Variants in L3MBTL4 observed in about 807,000 individuals in gnomAD.
L3MBTL4 encodes L3MBTL histone methyl-lysine binding protein 4, also known as lethal(3)malignant brain tumor-like protein 4.
Under a neutral mutation model 84.5 loss-of-function variants are expected in L3MBTL4, and 70 were observed. That is an observed-to-expected ratio of 0.83 (90% CI 0.68 to 1.01). The LOEUF (loss-of-function observed/expected upper bound fraction) is 1.01, where lower values mean the gene tolerates loss of function less well. Among genes scored for constraint, L3MBTL4 ranks in the 50% least tolerant of loss-of-function variants. L3MBTL4 has a pLI of 0.00. For synonymous variants in L3MBTL4, 274 were observed against 259.8 expected (o/e 1.05, Z -0.52); for missense variants, 715 against 754.8 (o/e 0.95, Z 0.62).
chr18:6,063,016 C>G (rs1235576545), intron 16 of L3MBTL4, among the ~76,000 whole-genome samples: 1 of 151,820 alleles, frequency 6.6e-6, no homozygotes, highest in Admixed American at 6.6e-5. Flanking sequence ...TCCCCAGAGT[C>G]CATTATATCA....
At chr18:5,977,005 G>A (rs2052968150) in intron 16 of L3MBTL4, among the ~76,000 whole-genome samples, 1 of 152,102 alleles carries the variant, frequency 6.6e-6, no homozygotes, top group Non-Finnish European at 1.5e-5. Context: ...GCATCTTTCA[G>A]GCATTCCTCT....
chr18:5,982,600 G>A (rs1452484073), intron 16 of L3MBTL4, among the ~76,000 whole-genome samples: 3 of 152,102 alleles, frequency 2.0e-5, no homozygotes, highest in South Asian at 2.1e-4. Context: ...CAGAGTCAAC[G>A]GCATAGTTTC....
intron 1 of L3MBTL4, among the ~76,000 whole-genome samples, chr18:6,370,327 C>T (rs2054108558): frequency 6.6e-6 from 1 of 152,098 alleles, no homozygotes; most frequent in African/African-American, 2.4e-5. Flanking sequence ...CTATAATGTC[C>T]TCATGCAAAG....
chr18:6,242,726 A>G (rs969297620), intron 7 of L3MBTL4, among the ~76,000 whole-genome samples: 8 of 152,228 alleles, frequency 5.3e-5, no homozygotes, highest in Non-Finnish European at 1.0e-4. Context: ...CGTCAGCATC[A>G]TCCTTGACCA....
At chr18:6,214,705 T>C (rs536351447) in intron 11 of L3MBTL4, among the ~76,000 whole-genome samples, 1 of 152,350 alleles carries the variant, frequency 6.6e-6, no homozygotes, top group South Asian at 2.1e-4. Context: ...GGAGAATCTT[T>C]CTGTTCTCCC....
chr18:6,318,517 A>AAAAAAAAAAAAAAAAAAAAC (rs1568484470), intron 1 of L3MBTL4, among the ~76,000 whole-genome samples: 1 of 146,302 alleles, frequency 6.8e-6, no homozygotes, highest in African/African-American at 2.5e-5. Flanking sequence ...AAAAAAAAAA[A>AAAAAAAAAAAAAAAAAAAAC]AAAAAAAAGA....
At chr18:6,166,012 A>C (rs2043634885) in intron 13 of L3MBTL4, among the ~76,000 whole-genome samples, 1 of 152,168 alleles carries the variant, frequency 6.6e-6, no homozygotes, top group Admixed American at 6.5e-5. Context: ...GAAAACAAAA[A>C]AAGGCAGGGG....
intron 10 of L3MBTL4, among the ~76,000 whole-genome samples, chr18:6,227,642 C>T (rs1176792042): frequency 6.6e-6 from 1 of 152,050 alleles, no homozygotes. Flanking sequence ...TTTTCTGATA[C>T]AAAAACCAGT....
At chr18:6,384,143 A>G (rs2054715571) in intron 1 of L3MBTL4, among the ~76,000 whole-genome samples, 1 of 152,142 alleles carries the variant, frequency 6.6e-6, no homozygotes, top group Non-Finnish European at 1.5e-5. Context: ...CATCAGAAGG[A>G]GGAAGCCACT....
chr18:6,178,914 C>T (rs191211824), intron 12 of L3MBTL4, among the ~76,000 whole-genome samples: 7 of 152,268 alleles, frequency 4.6e-5, no homozygotes, highest in Non-Finnish European at 8.8e-5. Flanking sequence ...TGTACCCCAA[C>T]GCCTCAGTCA....
chr18:6,209,412 T>C (rs760612069), intron 12 of L3MBTL4, among the ~76,000 whole-genome samples: 5 of 144,016 alleles, frequency 3.5e-5, no homozygotes, highest in African/African-American at 1.4e-4. Context: ...CTGATTTCTT[T>C]AGACCCGAAG....
chr18:6,160,752 C>G (rs1328904502), intron 13 of L3MBTL4, among the ~76,000 whole-genome samples: 1 of 145,334 alleles, frequency 6.9e-6, no homozygotes, highest in East Asian at 2.0e-4. Context: ...AAAAAAAAAG[C>G]ACGGAGTTAA....
intron 1 of L3MBTL4, among the ~76,000 whole-genome samples, chr18:6,406,821 G>GA (rs1458001230): frequency 5.3e-5 from 8 of 151,714 alleles, no homozygotes; most frequent in South Asian, 4.2e-4. Flanking sequence ...GTGTAACTAC[G>GA]AAAAAAAAGC....
At chr18:6,111,764 C>T (rs889700575) in intron 14 of L3MBTL4, among the ~76,000 whole-genome samples, 2 of 152,070 alleles carry the variant, frequency 1.3e-5, no homozygotes, top group African/African-American at 4.8e-5. Context: ...AGTATGATGT[C>T]TTCAAATATG....
At chr18:6,231,542 G>A (rs1417150984) in intron 10 of L3MBTL4, among the ~76,000 whole-genome samples, 1 of 151,602 alleles carries the variant, frequency 6.6e-6, no homozygotes, top group Non-Finnish European at 1.5e-5. Context: ...TCTAATACAC[G>A]AACATGGCTT....
chr18:6,232,620 A>C (rs1427193020), intron 10 of L3MBTL4, among the ~76,000 whole-genome samples: 1 of 152,106 alleles, frequency 6.6e-6, no homozygotes, highest in Non-Finnish European at 1.5e-5. Flanking sequence ...AGCAGGAGTC[A>C]TGAATAAAAT....
intron 3 of L3MBTL4, among the ~76,000 whole-genome samples, chr18:6,305,766 T>G (rs2050557780): frequency 6.6e-6 from 1 of 152,226 alleles, no homozygotes; most frequent in Non-Finnish European, 1.5e-5. Flanking sequence ...CAAAAAGGCT[T>G]AATGTTCTGT....
At chr18:6,338,849 A>G (rs1229096863) in intron 1 of L3MBTL4, among the ~76,000 whole-genome samples, 1 of 152,154 alleles carries the variant, frequency 6.6e-6, no homozygotes, top group Non-Finnish European at 1.5e-5. Context: ...GATTGATAAA[A>G]CTATACTAAT....
intron 1 of L3MBTL4, among the ~76,000 whole-genome samples, chr18:6,333,890 C>T (rs767613353): frequency 5.9e-5 from 9 of 152,196 alleles, no homozygotes; most frequent in Non-Finnish European, 1.2e-4. Context: ...TCTCTCCATT[C>T]TGTCTGCAAG....
Sources: allele counts gnomAD v4.1 joint callset (sites outside exome capture counted in the v4.1 genomes callset), GRCh38; gene constraint gnomAD v4.1.1; transcripts MANE v1.5; gene names NCBI Gene and HGNC (gene_info 2026-07-23, HGNC 2026-07-21).